PTPRZ1: variants seen among roughly 807,000 people sequenced by gnomAD.
PTPRZ1 encodes the protein protein tyrosine phosphatase receptor type Z1.
In PTPRZ1, 82 loss-of-function variants were observed where a neutral mutation model predicts 214.1. That is an observed-to-expected ratio of 0.38 (90% confidence interval 0.32 to 0.46). The LOEUF (loss-of-function observed/expected upper bound fraction) is 0.46. PTPRZ1 is among the 20% of genes least tolerant of loss of function. The pLI, the probability that PTPRZ1 is intolerant of heterozygous loss-of-function variation, is 1.00. For synonymous variants in PTPRZ1, 945 were observed against 987.9 expected (o/e 0.96, Z 0.81); for missense variants, 2,603 against 2,748.7 (o/e 0.95, Z 1.19).
intron 2 of PTPRZ1, among the ~76,000 whole-genome samples, chr7:121,966,109 A>G (rs1306374158): frequency 7.6e-6 from 1 of 131,954 alleles, no homozygotes; most frequent in Non-Finnish European, 1.8e-5. Context: ...CAAAGGCATC[A>G]GGATAACTTC....
At position 122,040,823 on chromosome 7, in the gene PTPRZ1, A is replaced by G; in HGVS notation, c.5645A>G (p.Gln1882Arg). ...CTGTCTGAACTTTTCCAGGGCTCCC[A>G]GAAAGGAAGACCCAGTGGACGTGTG... is the stretch of plus-strand genomic sequence containing the variant. The part of the protein sequence containing the change: ...LRNTKIKKGS[Q>R]KGRPSGRVVT... Residue 1882 changes from glutamine (Q) to arginine (R), a missense_variant, in exon 21 of 30, where the codon CAG (glutamine) becomes CGG (arginine). Physicochemically the swap from Gln to Arg is conservative, Grantham distance 43. This residue lies in a region of PTPRZ1 where 1,913 missense variants were observed against 1,914.3 expected (regional missense o/e 1.00). Coordinates refer to ENST00000393386, the MANE Select transcript of PTPRZ1 (RefSeq NM_002851.3). 6.4e-7 allele frequency: 1 copy of G among 1,560,134 alleles called. No homozygotes were observed. The highest frequency in any genetic ancestry group is 1.2e-5 in the South Asian group (1 of 84,992).
chr7:121,990,667 A>C (rs1004838237), intron 8 of PTPRZ1, among the ~76,000 whole-genome samples: 1 of 151,650 alleles, frequency 6.6e-6, no homozygotes, highest in African/African-American at 2.4e-5. Flanking sequence ...CTACAGGCGC[A>C]TGCTACCACG....
At chr7:122,023,858 A>G (rs1351415795) in intron 13 of PTPRZ1, among the ~76,000 whole-genome samples, 1 of 142,534 alleles carries the variant, frequency 7.0e-6, no homozygotes, top group Non-Finnish European at 1.5e-5. Context: ...TATAAAAAAA[A>G]AAAAGATTGT....
intron 1 of PTPRZ1, among the ~76,000 whole-genome samples, chr7:121,891,374 C>A (rs776563930): frequency 6.6e-6 from 1 of 150,720 alleles, no homozygotes; most frequent in African/African-American, 2.4e-5. Context: ...TGTTTGTTCA[C>A]CATGGAGCCC....
At chr7:121,995,092 C>G (rs748748423) in intron 8 of PTPRZ1, among the ~76,000 whole-genome samples, 13 of 152,100 alleles carry the variant, frequency 8.5e-5, no homozygotes, top group Non-Finnish European at 1.5e-4. Context: ...ATTGTGACTA[C>G]TAAGTATTAT....
chr7:121,935,355 A>C (rs1796046078), intron 2 of PTPRZ1, among the ~76,000 whole-genome samples: 1 of 152,086 alleles, frequency 6.6e-6, no homozygotes, highest in Non-Finnish European at 1.5e-5. Context: ...CTTCAATGGG[A>C]TGGGCAAGTC....
chr7:121,982,521 T>C (rs1797641917), intron 6 of PTPRZ1, among the ~76,000 whole-genome samples: 1 of 152,184 alleles, frequency 6.6e-6, no homozygotes, highest in Admixed American at 6.5e-5. Flanking sequence ...AACATAATCT[T>C]TCTGCCATTT....
intron 2 of PTPRZ1, among the ~76,000 whole-genome samples, chr7:121,943,539 C>T (rs1047383155): frequency 6.6e-6 from 1 of 152,026 alleles, no homozygotes; most frequent in Non-Finnish European, 1.5e-5. Flanking sequence ...GGGGCTTTAC[C>T]GTGTTAGCCA....
At chr7:121,901,086 A>G (rs1172260552) in intron 1 of PTPRZ1, among the ~76,000 whole-genome samples, 1 of 152,150 alleles carries the variant, frequency 6.6e-6, no homozygotes, top group Non-Finnish European at 1.5e-5. Context: ...GTCCTGATCT[A>G]TGTACCCCGT....
At chr7:122,040,303 T>G (rs1317832276) in intron 20 of PTPRZ1, among the ~76,000 whole-genome samples, 1 of 152,226 alleles carries the variant, frequency 6.6e-6, no homozygotes, top group Non-Finnish European at 1.5e-5. Context: ...GAGGTTTACA[T>G]TTTTAAGAAT....
intron 6 of PTPRZ1, among the ~76,000 whole-genome samples, chr7:121,983,070 T>C (rs1797661753): frequency 6.6e-6 from 1 of 152,222 alleles, no homozygotes; most frequent in African/African-American, 2.4e-5. Flanking sequence ...GGCCTGTAAA[T>C]AATTTTCAAT....
intron 6 of PTPRZ1, among the ~76,000 whole-genome samples, chr7:121,981,955 A>G (rs1797627429): frequency 6.6e-6 from 1 of 152,114 alleles, no homozygotes; most frequent in Non-Finnish European, 1.5e-5. Context: ...TTTGTGTGCC[A>G]TTTCAGAAAC....
chr7:122,012,304 A>G lies in PTPRZ1; in HGVS notation c.3258A>G (p.Gln1086=). 1.2e-6 allele frequency: 2 copies of G among 1,614,172 alleles called. No homozygotes were observed. Among genetic ancestry groups the G allele is most frequent in the African/African-American group, 1.3e-5 (1 of 75,056 alleles). The change falls in exon 12 of 30, where the codon CAA becomes CAG. Residue 1086 remains glutamine, a synonymous_variant. Transcript: ENST00000393386. ...TAAATAAGTTGAATGCGTCTTTACA[A>G]GAAACCTCTGTTTCCATTTCTAGCA... The part of the protein sequence containing the change: ...DNVNKLNASL[Q]ETSVSISSTK...
chr7:121,893,529 A>G (rs940714437), intron 1 of PTPRZ1, among the ~76,000 whole-genome samples: 12 of 152,236 alleles, frequency 7.9e-5, no homozygotes, highest in South Asian at 2.1e-4. Context: ...TACAGATACA[A>G]TGCAGAAATT....
Position 121,984,136 on chromosome 7 carries a change from T to C in PTPRZ1, c.928+19T>C, listed in dbSNP as rs1028803196. 3.7e-6 allele frequency: 6 copies of C among 1,602,794 alleles called. No individual in the cohort carries two copies. The highest frequency in any genetic ancestry group is 5.1e-6 in the Non-Finnish European group (6 of 1,172,908). ...GAAGCAGGTATGTATTTAAATATAA[T>C]CTTCTACAACTCTCATAGATGCAGT... On this transcript the variant is annotated intron_variant, in intron 8 of 29. Transcript: ENST00000393386.
chr7:122,049,476 A>G (rs1792103795), intron 23 of PTPRZ1, among the ~76,000 whole-genome samples: 1 of 152,116 alleles, frequency 6.6e-6, no homozygotes, highest in Admixed American at 6.5e-5. Context: ...AATCAATAGC[A>G]TTGTTATTTG....
rs778021988 is a variant in PTPRZ1 at position 122,054,026 on chromosome 7, T to C, written c.6369T>C (p.Asp2123=). ...HNAQLVVMIP[D]GQNMAEDEFV... is the part of the protein sequence containing the mutation. The stretch of plus-strand genomic sequence containing the variant: ...CCCAACTGGTGGTTATGATTCCTGA[T>C]GGCCAAAACATGGTAAGTCCCTTAG... The change falls in exon 26 of 30, where the codon GAT becomes GAC. Residue 2123 remains aspartate (D), a synonymous_variant. Coordinates refer to ENST00000393386, the MANE Select transcript of PTPRZ1 (RefSeq NM_002851.3). 25 of 1,613,034 alleles carry C rather than the reference T, an allele frequency of 1.5e-5. 1 individual carries two copies. The highest frequency in any genetic ancestry group is 1.7e-4 in the Middle Eastern group (1 of 6,050).
chr7:121,990,292 A>C (rs1335448132), intron 8 of PTPRZ1, among the ~76,000 whole-genome samples: 1 of 152,150 alleles, frequency 6.6e-6, no homozygotes, highest in Admixed American at 6.5e-5. Context: ...AAACTCTGTA[A>C]GGTTAGAGAC....
At chr7:121,983,093 C>T (rs1480983594) in intron 6 of PTPRZ1, among the ~76,000 whole-genome samples, 3 of 152,114 alleles carry the variant, frequency 2.0e-5, no homozygotes, top group Non-Finnish European at 4.4e-5. Flanking sequence ...TTTACATGCA[C>T]AATCATGTTA....
Sources: allele counts gnomAD v4.1 joint callset (sites outside exome capture counted in the v4.1 genomes callset), GRCh38; gene constraint gnomAD v4.1.1; regional missense constraint gnomAD v4.1.1; transcripts MANE v1.5; gene names NCBI Gene and HGNC (gene_info 2026-07-23, HGNC 2026-07-21).